Variants in NELL1 observed in about 807,000 individuals in gnomAD.
NELL1 encodes protein kinase C-binding protein NELL1.
NELL1 carries 76 observed loss-of-function variants against 107.4 expected under a neutral mutation model. The ratio of observed to expected loss-of-function variants is 0.71; its 90% CI spans 0.59 to 0.86. The LOEUF is 0.86. NELL1 is among the 40% of genes least tolerant of loss of function. The pLI is 0.00. For synonymous variants in NELL1, 353 were observed against 341.2 expected, an observed-to-expected ratio of 1.03 and a Z score of -0.38; for missense variants, 1,024 against 1,005.5, an observed-to-expected ratio of 1.02 and a Z score of -0.25.
In NELL1 at chr11:21,278,170, C is replaced by T. The variant is rs538681136; in HGVS notation, c.1549+48716C>T. Among the ~76,000 whole-genome samples the T allele has an allele frequency of 5.9e-5, 9 of 152,188 alleles. No individual in the cohort carries two copies. The South Asian group carries it at 1.7e-3, about 28-fold the overall frequency. ...ACTTGATAAAGAACATATACAAAAA[C>T]CCTACAGCAATGTCACACAATAATG... On this transcript the variant is annotated intron_variant, in intron 14 of 19. Transcript: ENST00000357134.
At chr11:20,849,592 C>A (rs1848760706) in intron 4 of NELL1, among the ~76,000 whole-genome samples, 1 of 152,046 alleles carries the variant, frequency 6.6e-6, no homozygotes, top group Admixed American at 6.6e-5. Context: ...CCAAATATTC[C>A]TTCTGTTTTC....
intron 2 of NELL1, among the ~76,000 whole-genome samples, chr11:20,760,895 A>G (rs563851384): frequency 6.6e-6 from 1 of 152,298 alleles, no homozygotes; most frequent in South Asian, 2.1e-4. Context: ...CCCTTTGGAA[A>G]ATCGGGTCTG....
At chr11:21,568,490 A>T (rs559828075) in intron 17 of NELL1, among the ~76,000 whole-genome samples, 38 of 151,906 alleles carry the variant, frequency 2.5e-4, no homozygotes, top group Admixed American at 2.0e-3. Flanking sequence ...AGCTTATTGT[A>T]ACTTTTTACT....
rs140542112 is a variant in NELL1, at chr11:20,837,902, T to A, written c.336-9681T>A. Among the ~76,000 whole-genome samples, 681 of 152,222 alleles carry A rather than the reference T, an allele frequency of 4.5e-3. 2 individuals carry two copies. Among genetic ancestry groups the A allele is most frequent in the Non-Finnish European group, 7.9e-3 (536 of 67,960 alleles). On this transcript the variant is annotated intron_variant, in intron 3 of 19. Transcript: ENST00000357134. ...AATTTATGTAAAATGAATCTTTTCA[T>A]TTCAATATTCCATCCTCAAGGAGGT... is the stretch of plus-strand genomic sequence containing the variant.
intron 19 of NELL1, among the ~76,000 whole-genome samples, chr11:21,573,993 G>T (rs1029054025): frequency 2.0e-5 from 3 of 151,760 alleles, no homozygotes; most frequent in Admixed American, 2.0e-4. Context: ...TTTTGGAGGG[G>T]TTTTCATGAG....
chr11:21,240,884 G>A (rs113827292), intron 14 of NELL1, among the ~76,000 whole-genome samples: 160 of 151,992 alleles, frequency 1.1e-3, no homozygotes, highest in Non-Finnish European at 1.8e-3. Flanking sequence ...ATCCCTAGAG[G>A]CTTAAGGGAA....
intron 3 of NELL1, among the ~76,000 whole-genome samples, chr11:20,818,460 G>C (rs1410433608): frequency 6.3e-5 from 9 of 143,182 alleles, no homozygotes. Flanking sequence ...GCTATTCAGA[G>C]AAATTGAGTA....
At chr11:21,021,705 G>A (rs1852705802) in intron 12 of NELL1, among the ~76,000 whole-genome samples, 1 of 151,914 alleles carries the variant, frequency 6.6e-6, no homozygotes, top group Non-Finnish European at 1.5e-5. Context: ...GGTGGTGATA[G>A]GCCCATTTGC....
chr11:21,210,733 G>A lies in NELL1; in HGVS notation c.1427-18599G>A, dbSNP rs1189847098. On this transcript the variant is annotated intron_variant, in intron 13 of 19. Coordinates refer to ENST00000357134, the MANE Select transcript of NELL1 (RefSeq NM_006157.5). ...TTCAAAGAAAGCCTCTGAAGCCTCGGTATTATTTTCTCCACCCACAAAATC... is the reference window on the plus strand; with the variant it reads ...TTCAAAGAAAGCCTCTGAAGCCTCGATATTATTTTCTCCACCCACAAAATC... Among the ~76,000 whole-genome samples, 4 of 152,212 alleles carry A rather than the reference G, an allele frequency of 2.6e-5. No homozygotes were observed. The East Asian group carries it at 5.8e-4, about 22-fold the overall frequency.
At chr11:21,179,242 A>G (rs1856774724) in intron 13 of NELL1, among the ~76,000 whole-genome samples, 1 of 151,962 alleles carries the variant, frequency 6.6e-6, no homozygotes, top group Non-Finnish European at 1.5e-5. Flanking sequence ...TAGTGAAGAG[A>G]GAATATTTTA....
chr11:21,567,588 G>T (rs1857002089), intron 17 of NELL1, among the ~76,000 whole-genome samples: 1 of 151,754 alleles, frequency 6.6e-6, no homozygotes, highest in Non-Finnish European at 1.5e-5. Flanking sequence ...TCAACCTGTT[G>T]TTATATATGT....
intron 9 of NELL1, among the ~76,000 whole-genome samples, chr11:20,934,517 G>A (rs1018838437): frequency 6.6e-6 from 1 of 152,224 alleles, no homozygotes; most frequent in Non-Finnish European, 1.5e-5. Flanking sequence ...GTTTTGGGAT[G>A]AGCCTGTCAA....
At chr11:20,678,150 A>G in intron 2 of NELL1, 90 bp downstream of exon 2, 4 of 1,458,714 alleles carry the variant, frequency 2.7e-6, no homozygotes, top group Non-Finnish European at 3.8e-6. Flanking sequence ...TTGTCTGGAG[A>G]TCGCCTTTGC....
intron 12 of NELL1, among the ~76,000 whole-genome samples, chr11:21,055,727 G>A (rs1590591608): frequency 6.6e-6 from 1 of 152,236 alleles, no homozygotes; most frequent in East Asian, 1.9e-4. Context: ...GGAGAGGTGG[G>A]TCAGGGATGC....
At chr11:21,515,421 T>TG (rs1855533193) in intron 15 of NELL1, among the ~76,000 whole-genome samples, 1 of 152,144 alleles carries the variant, frequency 6.6e-6, no homozygotes, top group Non-Finnish European at 1.5e-5. Flanking sequence ...TAATTCTCTG[T>TG]GGGGGGCCTT....
intron 15 of NELL1, among the ~76,000 whole-genome samples, chr11:21,456,177 C>T (rs902316312): frequency 2.6e-5 from 4 of 151,986 alleles, no homozygotes; most frequent in African/African-American, 9.7e-5. Flanking sequence ...ACAGGCGATG[C>T]CTGGCCCTTT....
chr11:21,416,514 T>C (rs560819622), intron 15 of NELL1, among the ~76,000 whole-genome samples: 26 of 152,268 alleles, frequency 1.7e-4, no homozygotes, highest in African/African-American at 6.0e-4. Context: ...GCAAATATCT[T>C]TTCCAAATTC....
intron 5 of NELL1, among the ~76,000 whole-genome samples, chr11:20,908,565 G>T (rs1413385309): frequency 6.6e-6 from 1 of 152,068 alleles, no homozygotes; most frequent in African/African-American, 2.4e-5. Flanking sequence ...CGGGATGGGG[G>T]AAAGGGGAGG....
intron 15 of NELL1, among the ~76,000 whole-genome samples, chr11:21,482,345 T>A (rs888969428): frequency 6.6e-6 from 1 of 152,108 alleles, no homozygotes; most frequent in Non-Finnish European, 1.5e-5. Context: ...TCTTAAGTCA[T>A]ATGCCCTACA....
Sources: gnomAD v4.1 joint callset for allele counts (sites outside exome capture counted in the v4.1 genomes callset) on GRCh38, gnomAD v4.1.1 for gene constraint, MANE v1.5 for transcripts, NCBI Gene and HGNC (gene_info 2026-07-23, HGNC 2026-07-21) for gene names.